The following LARS2 variants were observed in gnomAD, a reference collection of about 807,000 sequenced individuals.
LARS2 encodes leucine--tRNA ligase, mitochondrial.
A neutral mutation model predicts 116.6 loss-of-function variants in LARS2; 81 were observed. That is an observed-to-expected ratio of 0.69 (90% CI 0.58 to 0.84). LARS2 has a LOEUF of 0.84. Ranked by LOEUF, LARS2 falls within the 40% of genes least tolerant of loss-of-function variation. The pLI, the probability that LARS2 is intolerant of heterozygous loss-of-function variation, is 0.00. For missense variants in LARS2, 968 were observed against 1,114.5 expected, an observed-to-expected ratio of 0.87 and a Z score of 1.87; for synonymous variants, 396 against 407.2, an observed-to-expected ratio of 0.97 and a Z score of 0.33.
At chr3:45,415,876 T>TAGAGAG (rs71095033) in intron 4 of LARS2, among the ~76,000 whole-genome samples, 1 of 69,028 alleles carries the variant, frequency 1.4e-5, no homozygotes, top group African/African-American at 4.0e-5. Flanking sequence ...TATATATATA[T>TAGAGAG]AGAGAGAGAG....
chr3:45,447,336 G>A (rs1422002019), intron 7 of LARS2, among the ~76,000 whole-genome samples: 2 of 152,176 alleles, frequency 1.3e-5, no homozygotes, highest in Non-Finnish European at 2.9e-5. Context: ...AAATGGGAAT[G>A]GGGACATTTT....
chr3:45,410,196 C>T (rs886531429), intron 4 of LARS2, among the ~76,000 whole-genome samples: 1 of 152,166 alleles, frequency 6.6e-6, no homozygotes, highest in African/African-American at 2.4e-5. Context: ...GTTATTCTGC[C>T]AGTAACACAG....
chr3:45,513,036 C>T, intron 15 of LARS2, 99 bp from the exon 16 acceptor site: 1 of 797,818 alleles, frequency 1.3e-6, no homozygotes, highest in Non-Finnish European at 2.2e-6. Flanking sequence ...TTATGAGGGG[C>T]AGCTACTTCT....
Position 45,549,277 on chromosome 3 carries a change from G to A in LARS2, c.*1747G>A, listed in dbSNP as rs2125775374. ...CTTCAGGTTAGCGGGGATAAGTTTGGTCCAGGACCAAGAGTTGGACCAAAA... is the reference window on the plus strand; with the variant it reads ...CTTCAGGTTAGCGGGGATAAGTTTGATCCAGGACCAAGAGTTGGACCAAAA... On this transcript the variant is annotated 3_prime_UTR_variant, in exon 22 of 22. Transcript: ENST00000645846. The A allele has an allele frequency of 6.6e-6, 1 of 152,278 alleles. No homozygotes were observed. Among genetic ancestry groups the A allele is most frequent in the East Asian group, 1.9e-4 (1 of 5,190 alleles). 9.4% of individuals were successfully genotyped at this position (152,278 alleles called of 1,614,324 possible).
rs572101196 is a variant in LARS2, at chr3:45,476,584, C to T, written c.975C>T (p.Ser325=). Residue 325 remains serine, a synonymous_variant, in exon 10 of 22, where the codon AGC becomes AGT. Coordinates refer to ENST00000645846, the MANE Select transcript of LARS2 (RefSeq NM_015340.4). ...SPSHRLLHGH[S]SLKEALRMAL... The stretch of plus-strand genomic sequence containing the variant: ...GCCACAGACTCCTACATGGGCACAG[C>T]TCTCTGAAGGAAGCCTTGAGGATGG... 1 of 1,614,204 alleles carries T rather than the reference C, an allele frequency of 6.2e-7. No individual in the cohort carries two copies. Among genetic ancestry groups the T allele is most frequent in the Admixed American group, 1.7e-5 (1 of 60,020 alleles).
intron 16 of LARS2, among the ~76,000 whole-genome samples, chr3:45,513,977 AGG>A (rs1700332725): frequency 6.6e-6 from 1 of 152,158 alleles, no homozygotes; most frequent in Non-Finnish European, 1.5e-5. Flanking sequence ...AGGCCAAGGC[AGG>A]TGGATCACCT....
chr3:45,512,745 A>G (rs1047698795), intron 15 of LARS2, among the ~76,000 whole-genome samples: 5 of 152,262 alleles, frequency 3.3e-5, no homozygotes, highest in African/African-American at 1.2e-4. Context: ...CCAGGGATAT[A>G]TACCAAACTA....
At chr3:45,538,463 G>A (rs752357073) in intron 20 of LARS2, 13 of 152,328 alleles carry the variant, frequency 8.5e-5, no homozygotes, top group Middle Eastern at 3.4e-3. Context: ...TGTGACCTCC[G>A]TCTCATATTC....
In LARS2 at chr3:45,447,059, C is replaced by T. The variant is rs545441816; in HGVS notation, c.606+79C>T. 1.4e-4 allele frequency: 110 copies of T among 797,258 alleles called. No homozygotes were observed. The South Asian group carries it at 1.7e-3, about 12-fold the overall frequency. The allele number at this position is 797,258 out of a possible 1,614,324, so 49.4% of individuals were successfully genotyped here. On this transcript the variant is annotated intron_variant, in intron 7 of 21. Coordinates refer to ENST00000645846, the MANE Select transcript of LARS2 (RefSeq NM_015340.4). The stretch of plus-strand genomic sequence containing the variant: ...TCATTGTAGTAGCAGCGAAAATGAA[C>T]GCTACCTCAAGTTCATAAAATCAGT...
At chr3:45,473,099 G>A (rs904228909) in intron 8 of LARS2, among the ~76,000 whole-genome samples, 1 of 152,190 alleles carries the variant, frequency 6.6e-6, no homozygotes, top group Non-Finnish European at 1.5e-5. Context: ...ATCAGAGTTT[G>A]CATTAGAGCC....
chr3:45,400,448 A>G, intron 4 of LARS2, 75 bp downstream of exon 4: 1 of 1,433,754 alleles, frequency 7.0e-7, no homozygotes. Context: ...TGTGTTCAAG[A>G]CAAATGAAGA....
chr3:45,453,701 A>T (rs1699171432), intron 7 of LARS2, among the ~76,000 whole-genome samples: 1 of 152,216 alleles, frequency 6.6e-6, no homozygotes, highest in Non-Finnish European at 1.5e-5. Flanking sequence ...TGAGAGCTAG[A>T]TACTTTATAA....
chr3:45,435,868 G>A (rs1698792630), intron 6 of LARS2, among the ~76,000 whole-genome samples: 1 of 152,128 alleles, frequency 6.6e-6, no homozygotes, highest in South Asian at 2.1e-4. Context: ...TGTATTTAGA[G>A]AGAATCAGGA....
intron 7 of LARS2, among the ~76,000 whole-genome samples, chr3:45,457,150 C>T (rs769108632): frequency 2.7e-4 from 41 of 152,192 alleles, no homozygotes; most frequent in Non-Finnish European, 4.3e-4. Context: ...TTTAGCAGCA[C>T]GGGAGACCTG....
intron 10 of LARS2, among the ~76,000 whole-genome samples, chr3:45,484,630 A>AAAATATATATATATATATATATAT: frequency 2.1e-4 from 2 of 9,728 alleles, no homozygotes; most frequent in African/African-American, 3.6e-4. Flanking sequence ...AAAAAAAAAA[A>AAAATATATATATATATATATATAT]ATATATATAT....
chr3:45,483,559 G>A (rs1223417039), intron 10 of LARS2, among the ~76,000 whole-genome samples: 2 of 152,154 alleles, frequency 1.3e-5, no homozygotes, highest in African/African-American at 4.8e-5. Context: ...TGAAGCACCA[G>A]AATTGCTTGA....
At chr3:45,510,218 G>A (rs552950978) in intron 15 of LARS2, among the ~76,000 whole-genome samples, 1 of 152,148 alleles carries the variant, frequency 6.6e-6, no homozygotes, top group African/African-American at 2.4e-5. Context: ...TTCAAGACCA[G>A]CCTGGGCAAC....
intron 20 of LARS2, among the ~76,000 whole-genome samples, chr3:45,533,213 C>G (rs1040460960): frequency 3.3e-5 from 4 of 122,630 alleles, no homozygotes; most frequent in Admixed American, 1.1e-4. Flanking sequence ...TGCAGTGGCG[C>G]GATCTCGGCT....
At chr3:45,444,106 G>A (rs1442284979) in intron 6 of LARS2, among the ~76,000 whole-genome samples, 3 of 148,368 alleles carry the variant, frequency 2.0e-5, no homozygotes, top group Non-Finnish European at 4.4e-5. Flanking sequence ...CTGGGTTCAC[G>A]CCCTTCTCCT....
Sources: allele counts gnomAD v4.1 joint callset (sites outside exome capture counted in the v4.1 genomes callset), GRCh38; gene constraint gnomAD v4.1.1; transcripts MANE v1.5; gene names NCBI Gene and HGNC (gene_info 2026-07-23, HGNC 2026-07-21).